The following ZFHX3 variants were observed in gnomAD, a reference collection of about 807,000 sequenced individuals.
The protein encoded by ZFHX3 is zinc finger homeobox protein 3.
Under a neutral mutation model 279.1 loss-of-function variants are expected in ZFHX3, and 42 were observed. The ratio of observed to expected loss-of-function variants is 0.15; its 90% confidence interval spans 0.12 to 0.19. The LOEUF is 0.19. ZFHX3 is among the 10% of genes least tolerant of loss of function. The pLI is 1.00. For missense variants in ZFHX3, 4,981 were observed against 4,754.0 expected (o/e 1.05, Z -1.40); for synonymous variants, 2,293 against 1,957.8 (o/e 1.17, Z -4.52).
At chr16:73,843,758 G>A (rs1446181269) in intron 1 of ZFHX3, among the ~76,000 whole-genome samples, 2 of 152,154 alleles carry the variant, frequency 1.3e-5, no homozygotes, top group African/African-American at 4.8e-5. Context: ...TCTGTAAAGA[G>A]CCAGACAGGA....
chr16:72,862,777 G>A (rs190863665), intron 4 of ZFHX3, among the ~76,000 whole-genome samples: 43 of 152,090 alleles, frequency 2.8e-4, no homozygotes, highest in East Asian at 1.5e-3. Flanking sequence ...TCCAAATCCC[G>A]ACTGCAGGGA....
chr16:72,871,890 A>C (rs1481693652), intron 4 of ZFHX3, among the ~76,000 whole-genome samples: 1 of 152,170 alleles, frequency 6.6e-6, no homozygotes, highest in Non-Finnish European at 1.5e-5. Flanking sequence ...TGAAGACCAC[A>C]CTGGCTAACA....
At chr16:72,901,250 C>G (rs1034213798) in intron 3 of ZFHX3, among the ~76,000 whole-genome samples, 1 of 152,166 alleles carries the variant, frequency 6.6e-6, no homozygotes, top group South Asian at 2.1e-4. Context: ...TTGCTGGAAC[C>G]GAGCCTACAG....
At chr16:73,123,110 C>T (rs555039075) in intron 7 of ZFHX3, among the ~76,000 whole-genome samples, 1 of 151,570 alleles carries the variant, frequency 6.6e-6, no homozygotes, top group African/African-American at 2.4e-5. Flanking sequence ...AGGGCCAGCC[C>T]CCACATTGCT....
chr16:73,380,261 T>C (rs2016798135), intron 3 of ZFHX3, among the ~76,000 whole-genome samples: 1 of 152,140 alleles, frequency 6.6e-6, no homozygotes, highest in African/African-American at 2.4e-5. Flanking sequence ...AAATACAAGA[T>C]TTTAATGAAA....
intron 2 of ZFHX3, among the ~76,000 whole-genome samples, chr16:73,502,399 G>GC (rs1216869389): frequency 6.6e-6 from 1 of 152,294 alleles, no homozygotes; most frequent in African/African-American, 2.4e-5. Context: ...GTAACTCCTT[G>GC]CCCCAGTAAT....
At chr16:73,646,121 G>C (rs950471256) in intron 2 of ZFHX3, among the ~76,000 whole-genome samples, 1 of 152,170 alleles carries the variant, frequency 6.6e-6, no homozygotes, top group Non-Finnish European at 1.5e-5. Context: ...AAAGAAATAA[G>C]TGAACTGGTG....
intron 7 of ZFHX3, among the ~76,000 whole-genome samples, chr16:73,115,483 G>A (rs1179294325): frequency 2.0e-5 from 3 of 151,760 alleles, no homozygotes; most frequent in Admixed American, 6.6e-5. Flanking sequence ...CTGGGAGGTC[G>A]AGGCTGCAGT....
chr16:73,770,643 C>T (rs1014011631), intron 1 of ZFHX3, among the ~76,000 whole-genome samples: 2 of 152,158 alleles, frequency 1.3e-5, no homozygotes, highest in African/African-American at 4.8e-5. Flanking sequence ...CTATCTGGAA[C>T]AAGATAGTAG....
intron 1 of ZFHX3, among the ~76,000 whole-genome samples, chr16:73,712,384 A>G (rs543341767): frequency 1.9e-4 from 29 of 152,238 alleles, no homozygotes; most frequent in African/African-American, 7.0e-4. Context: ...TTATCAGGGA[A>G]CATCTCAATT....
At position 72,787,650 on chromosome 16, in the gene ZFHX3, T is replaced by C; in HGVS notation, c.10626A>G (p.Glu3542=). 8 of 1,608,358 alleles carry C rather than the reference T, an allele frequency of 5.0e-6. No homozygotes were observed. Among genetic ancestry groups the C allele is most frequent in the Non-Finnish European group, 6.8e-6 (8 of 1,177,076 alleles). The change falls in exon 10 of 10, where the codon GAA becomes GAG. Residue 3542 remains glutamate (E), a synonymous_variant. Transcript: ENST00000268489. The part of the protein sequence containing the change: ...LACESALCGE[E]ALSQHLESAL... ...CCGACTCGAGATGTTGACTCAGAGC[T>C]TCCTCCCCACAGAGCGCGCTCTCGC... is the stretch of plus-strand genomic sequence containing the variant.
chr16:72,950,897 G>C lies in ZFHX3; in HGVS notation c.2788C>G (p.Leu930Val). 2 of 1,614,064 alleles carry C rather than the reference G, an allele frequency of 1.2e-6. No individual in the cohort carries two copies. The highest frequency in any genetic ancestry group is 1.7e-6 in the Non-Finnish European group (2 of 1,180,040). The change falls in exon 3 of 10, where the codon CTG (leucine) becomes GTG (valine). Residue 930 changes from leucine (L) to valine (V), a missense_variant. By Grantham distance (32) the Leu-to-Val change is conservative (BLOSUM62 1). This residue lies in a region of ZFHX3 where 1,751 missense variants were observed against 1,770.0 expected (regional missense o/e 0.99). Transcript: ENST00000268489. ...GQLVSEELMNLGESFIQTNDP... is the reference protein window; with the variant it reads ...GQLVSEELMNVGESFIQTNDP... ...TTGGTCTGGATGAAGCTCTCGCCCA[G>C]GTTCATCAGCTCCTCTGACACCAGC...
intron 5 of ZFHX3, among the ~76,000 whole-genome samples, chr16:73,243,806 G>C (rs1156906522): frequency 1.3e-5 from 2 of 152,056 alleles, no homozygotes; most frequent in Non-Finnish European, 2.9e-5. Flanking sequence ...TTACGCAACA[G>C]ATCACCCACC....
At chr16:72,896,409 G>C (rs2038901215) in intron 3 of ZFHX3, among the ~76,000 whole-genome samples, 1 of 152,162 alleles carries the variant, frequency 6.6e-6, no homozygotes. Flanking sequence ...TCACTGAGAA[G>C]AACACAGCAA....
At chr16:73,025,020 T>G (rs545195820) in intron 1 of ZFHX3, among the ~76,000 whole-genome samples, 30 of 152,284 alleles carry the variant, frequency 2.0e-4, no homozygotes, top group Non-Finnish European at 4.1e-4. Flanking sequence ...CTCCCACATA[T>G]GATCTCCGCA....
chr16:73,094,522 G>A (rs900950135), intron 7 of ZFHX3: 7 of 151,930 alleles, frequency 4.6e-5, no homozygotes, highest in Admixed American at 3.3e-4. Flanking sequence ...TGTTGGATGA[G>A]TGCTGACGGG....
chr16:73,094,890 A>G (rs1183961), intron 7 of ZFHX3, among the ~76,000 whole-genome samples: 33,740 of 151,808 alleles, frequency 0.22, 4,206 homozygotes, highest in Non-Finnish European at 0.28. Context: ...TTGTATTTTT[A>G]TAGAGATAGG....
At chr16:73,865,823 C>CA (rs57165743) in intron 1 of ZFHX3, among the ~76,000 whole-genome samples, 12,694 of 138,332 alleles carry the variant, frequency 0.092, 1,638 homozygotes, top group African/African-American at 0.3. Flanking sequence ...ACTAAAAATA[C>CA]AAAAAAAAAA....
chr16:73,341,199 G>A (rs2016026463), intron 3 of ZFHX3, among the ~76,000 whole-genome samples: 1 of 152,112 alleles, frequency 6.6e-6, no homozygotes, highest in East Asian at 1.9e-4. Context: ...AAATTAGCCG[G>A]GTGTGATGGC....
Sources: gnomAD v4.1 joint callset for allele counts (sites outside exome capture counted in the v4.1 genomes callset) on GRCh38, gnomAD v4.1.1 for gene constraint, gnomAD v4.1.1 regional missense constraint, MANE v1.5 for transcripts, NCBI Gene and HGNC (gene_info 2026-07-23, HGNC 2026-07-21) for gene names.